Variants in DENND2A observed in about 807,000 individuals in gnomAD.
DENND2A encodes DENN domain containing 2A, also known as DENN domain-containing protein 2A.
A neutral mutation model predicts 105.3 loss-of-function variants in DENND2A; 53 were observed. That is an observed-to-expected ratio of 0.50 (90% CI 0.40 to 0.63). DENND2A has a LOEUF of 0.63. Among genes scored for constraint, DENND2A ranks in the 30% least tolerant of loss-of-function variants. The pLI is 0.00. For synonymous variants in DENND2A, 522 were observed against 508.4 expected (o/e 1.03, Z -0.36); for missense variants, 1,138 against 1,279.6 (o/e 0.89, Z 1.69).
chr7:140,532,991 C>CTTTTT (rs3042406), intron 14 of DENND2A, among the ~76,000 whole-genome samples: 10 of 120,124 alleles, frequency 8.3e-5, no homozygotes, highest in African/African-American at 2.0e-4. Flanking sequence ...AGGCTACCTG[C>CTTTTT]TTTTTTTTTT....
At chr7:140,581,771 G>T (rs916692620) in intron 5 of DENND2A, among the ~76,000 whole-genome samples, 11 of 152,292 alleles carry the variant, frequency 7.2e-5, no homozygotes, top group Admixed American at 5.9e-4. Context: ...CTTTGTTCAG[G>T]ACAGCTACAG....
At position 140,523,895 on chromosome 7, in the gene DENND2A, G is replaced by A. The variant is rs1795950552; in HGVS notation, c.2548-471C>T. Among the ~76,000 whole-genome samples the A allele has an allele frequency of 6.6e-6, 1 of 152,134 alleles. No individual in the cohort carries two copies. Among genetic ancestry groups the A allele is most frequent in the African/African-American group, 2.4e-5 (1 of 41,422 alleles). The stretch of plus-strand genomic sequence containing the variant: ...GCCGAGCCTACTTTTTACAAGCAAC[G>A]GGAGCCTCGTTTTCCCCACTTGTAA... On this transcript the variant is annotated intron_variant, in intron 16 of 19. Coordinates refer to ENST00000496613, the MANE Select transcript of DENND2A (RefSeq NM_015689.5). The surrounding 1 kb of genome is among the most constrained non-coding windows in gnomAD (Gnocchi z 4.5).
chr7:140,627,192 ATATT>A (rs754983700), intron 1 of DENND2A, among the ~76,000 whole-genome samples: 4 of 152,108 alleles, frequency 2.6e-5, no homozygotes, highest in Middle Eastern at 3.4e-3. Flanking sequence ...ATTATTGTAA[ATATT>A]TATTTATTTA....
At chr7:140,529,434 C>T (rs1026005941) in intron 14 of DENND2A, among the ~76,000 whole-genome samples, 1 of 152,180 alleles carries the variant, frequency 6.6e-6, no homozygotes, top group Admixed American at 6.5e-5. Context: ...ACCCAGCCAT[C>T]CCATTACTGG....
intron 1 of DENND2A, among the ~76,000 whole-genome samples, chr7:140,639,890 C>G (rs1049501687): frequency 6.6e-6 from 1 of 152,236 alleles, no homozygotes; most frequent in Non-Finnish European, 1.5e-5. Flanking sequence ...CGTGGTCTCA[C>G]CCAGCTCTCT....
intron 1 of DENND2A, among the ~76,000 whole-genome samples, chr7:140,616,526 C>T (rs1050543035): frequency 6.6e-6 from 1 of 151,940 alleles, no homozygotes; most frequent in Non-Finnish European, 1.5e-5. Context: ...GGTTGTTACA[C>T]AACACAGTCA....
chr7:140,603,387 A>C (rs559478762), intron 2 of DENND2A, among the ~76,000 whole-genome samples: 2 of 152,242 alleles, frequency 1.3e-5, no homozygotes, highest in Non-Finnish European at 2.9e-5. Flanking sequence ...CTTTGCAATG[A>C]CTATTTAAAA....
At chr7:140,594,532 C>T (rs1291741976) in intron 3 of DENND2A, among the ~76,000 whole-genome samples, 1 of 152,196 alleles carries the variant, frequency 6.6e-6, no homozygotes, top group Non-Finnish European at 1.5e-5. Flanking sequence ...TGAATGTTCC[C>T]ATGGCACCAG....
At chr7:140,580,432 AT>A in intron 5 of DENND2A, among the ~76,000 whole-genome samples, 1 of 152,200 alleles carries the variant, frequency 6.6e-6, no homozygotes, top group African/African-American at 2.4e-5. Flanking sequence ...TGAATCTCCC[AT>A]GTCAGCATCC....
intron 1 of DENND2A, among the ~76,000 whole-genome samples, chr7:140,621,511 G>A (rs755508826): frequency 2.0e-5 from 3 of 149,220 alleles, no homozygotes; most frequent in Non-Finnish European, 3.0e-5. Context: ...GTACACATCT[G>A]CAATGTAACA....
intron 14 of DENND2A, among the ~76,000 whole-genome samples, chr7:140,539,821 C>A (rs1796592198): frequency 6.6e-6 from 1 of 152,240 alleles, no homozygotes; most frequent in African/African-American, 2.4e-5. Context: ...CTCTTCGGGC[C>A]TTTCTTTACG....
At chr7:140,540,699 C>G (rs1411077451) in intron 14 of DENND2A, among the ~76,000 whole-genome samples, 3 of 151,958 alleles carry the variant, frequency 2.0e-5, no homozygotes, top group African/African-American at 4.8e-5. Context: ...GTCACTGGGG[C>G]AGGCATTTCC....
At chr7:140,539,318 C>A (rs1796565738) in intron 14 of DENND2A, among the ~76,000 whole-genome samples, 1 of 152,086 alleles carries the variant, frequency 6.6e-6, no homozygotes, top group African/African-American at 2.4e-5. Context: ...CTGGGGGAGG[C>A]CTTGGGGGTG....
intron 3 of DENND2A, among the ~76,000 whole-genome samples, chr7:140,595,668 C>T (rs775935521): frequency 4.0e-5 from 6 of 151,810 alleles, no homozygotes; most frequent in Admixed American, 6.6e-5. Context: ...ACTCCGGAGG[C>T]GGAGGCAGGA....
At chr7:140,534,774 C>T (rs139599530) in intron 14 of DENND2A, among the ~76,000 whole-genome samples, 3 of 152,172 alleles carry the variant, frequency 2.0e-5, no homozygotes, top group Admixed American at 1.3e-4. Context: ...AGTCCTCACT[C>T]GCAGCTGGCT....
chr7:140,627,518 A>T (rs966509365), intron 1 of DENND2A, among the ~76,000 whole-genome samples: 3 of 136,428 alleles, frequency 2.2e-5, no homozygotes, highest in Non-Finnish European at 4.8e-5. Context: ...TTTATTTTTA[A>T]TTTTATTTAT....
chr7:140,530,968 G>A (rs976359993), intron 14 of DENND2A, among the ~76,000 whole-genome samples: 4 of 152,122 alleles, frequency 2.6e-5, no homozygotes, highest in African/African-American at 7.2e-5. Flanking sequence ...CTGACCTCAG[G>A]TGATCTGTTC....
At chr7:140,554,440 C>CG (rs1797277657) in intron 12 of DENND2A, among the ~76,000 whole-genome samples, 1 of 152,000 alleles carries the variant, frequency 6.6e-6, no homozygotes, top group Admixed American at 6.6e-5. Flanking sequence ...AGTTTGAGAC[C>CG]AGCCTGGGCA....
chr7:140,526,401 C>T (rs1198508173), intron 15 of DENND2A, among the ~76,000 whole-genome samples: 1 of 152,212 alleles, frequency 6.6e-6, no homozygotes, highest in Non-Finnish European at 1.5e-5. Flanking sequence ...CCTGAGAGCG[C>T]GACCCTCACT....
Sources: gnomAD v4.1 joint callset for allele counts (sites outside exome capture counted in the v4.1 genomes callset) on GRCh38, gnomAD v4.1.1 for gene constraint, Gnocchi (gnomAD v3.1) non-coding constraint, MANE v1.5 for transcripts, NCBI Gene and HGNC (gene_info 2026-07-23, HGNC 2026-07-21) for gene names.